Variants in BCLAF3 observed in about 807,000 individuals in gnomAD.
The protein encoded by BCLAF3 is transient octamer binding factor 1.
A neutral mutation model predicts 51.2 loss-of-function variants in BCLAF3; 24 were observed. The ratio of observed to expected loss-of-function variants is 0.47; its 90% CI spans 0.34 to 0.66. The LOEUF is 0.66. Ranked by LOEUF, BCLAF3 falls within the 30% of genes least tolerant of loss-of-function variation. The pLI, the probability that BCLAF3 is intolerant of heterozygous loss-of-function variation, is 0.01. For synonymous variants in BCLAF3, 152 were observed against 176.6 expected, an observed-to-expected ratio of 0.86 and a Z score of 1.10; for missense variants, 465 against 525.1, an observed-to-expected ratio of 0.89 and a Z score of 1.12.
In BCLAF3 at chrX:19,950,847, G is replaced by T. The variant is rs376493437; in HGVS notation, c.1651C>A (p.Pro551Thr). ...SEQTLIKIID[P>T]NDLRHDIERR... is the part of the protein sequence containing the mutation. ...TCAATGTCATGTCGTAGGTCATTTG[G>T]ATCTATTATTTTGATCAGAGTCTGA... Residue 551 changes from proline to threonine, a missense_variant, in exon 8 of 12, where the codon CCA becomes ACA. Pro to Thr is a conservative substitution (Grantham distance 38, BLOSUM62 -1). Coordinates refer to ENST00000379682, the MANE Select transcript of BCLAF3 (RefSeq NM_001367774.2). The T allele has an allele frequency of 1.7e-6, 2 of 1,205,808 alleles. No individual in the cohort carries two copies. Among genetic ancestry groups the T allele is most frequent in the Non-Finnish European group, 2.2e-6 (2 of 890,806 alleles).
intron 7 of BCLAF3, among the ~76,000 whole-genome samples, chrX:19,951,978 T>G (rs2071499010): frequency 9.0e-6 from 1 of 111,517 alleles, no homozygotes; most frequent in Non-Finnish European, 1.9e-5. Context: ...AATTCAGAGA[T>G]TTTACATAAA....
At position 19,966,634 on chromosome X, in the gene BCLAF3, T is replaced by C; in HGVS notation, c.57A>G (p.Val19=). The stretch of plus-strand genomic sequence containing the variant: ...GCTTGTAGTGTTCAGCATTTCTAGG[T>C]ACTGGTGATAAAGACCTATGTAAAC... ...PRWKHRSLSP[V]PRNAEHYKQR... is the part of the protein sequence containing the mutation. Residue 19 remains valine, a synonymous_variant, in exon 3 of 12, where the codon GTA becomes GTG. Coordinates refer to ENST00000379682, the MANE Select transcript of BCLAF3 (RefSeq NM_001367774.2). The C allele has an allele frequency of 8.3e-7, 1 of 1,207,724 alleles. No homozygotes were observed. Among genetic ancestry groups the C allele is most frequent in the Middle Eastern group, 2.3e-4 (1 of 4,316 alleles).
chrX:19,944,894 C>T (rs1319029552), intron 8 of BCLAF3, among the ~76,000 whole-genome samples: 1 of 96,323 alleles, frequency 1.0e-5, no homozygotes, highest in Non-Finnish European at 2.0e-5. Flanking sequence ...CCATTCTCCG[C>T]ATCACTTTCA....
intron 11 of BCLAF3, among the ~76,000 whole-genome samples, chrX:19,927,245 T>G (rs2070389325): frequency 9.0e-6 from 1 of 110,557 alleles, no homozygotes; most frequent in Admixed American, 9.7e-5. Flanking sequence ...AATAAATAAA[T>G]AAAGAGATGG....
At chrX:19,964,201 A>C (rs778566198) in intron 4 of BCLAF3, among the ~76,000 whole-genome samples, 12 of 110,956 alleles carry the variant, frequency 1.1e-4, no homozygotes, top group African/African-American at 1.6e-4. Flanking sequence ...TTTTTCATTC[A>C]CATACTGGTA....
chrX:19,983,163 G>C (rs2072676584), intron 1 of BCLAF3, among the ~76,000 whole-genome samples: 1 of 103,713 alleles, frequency 9.6e-6, no homozygotes, highest in Non-Finnish European at 2.0e-5. Context: ...TCGCCATGTT[G>C]GCCAAGCTGG....
chrX:19,914,635 T>C lies in BCLAF3; in HGVS notation c.*2670A>G, dbSNP rs1167186194. On this transcript the variant is annotated 3_prime_UTR_variant, in exon 12 of 12. Transcript: ENST00000379682. ...AATAGAAAAAAATGAAAATGTATCA[T>C]CTAAAATATTTATAATAGTGTTCTC... is the stretch of plus-strand genomic sequence containing the variant. 9.0e-6 allele frequency: 1 copy of C among 111,607 alleles called. No individual in the cohort carries two copies. The highest frequency in any genetic ancestry group is 3.3e-5 in the African/African-American group (1 of 30,733). The allele number at this position is 111,607 out of a possible 1,213,427, so 9.2% of individuals were successfully genotyped here. A position where few individuals can be genotyped will look rare whatever the true frequency, so the allele number is the denominator to read the frequency against.
chrX:19,969,391 C>T (rs1459290895), intron 2 of BCLAF3, among the ~76,000 whole-genome samples: 1 of 112,083 alleles, frequency 8.9e-6, no homozygotes, highest in African/African-American at 3.2e-5. Context: ...AAATACTAGT[C>T]ACATTTACAG....
At position 19,965,129 on chromosome X, in the gene BCLAF3, G is replaced by C; in HGVS notation, c.1189C>G (p.Pro397Ala). Residue 397 changes from proline (P) to alanine (A), a missense_variant, in exon 4 of 12, where the codon CCT (proline) becomes GCT (alanine). Coordinates refer to ENST00000379682, the MANE Select transcript of BCLAF3 (RefSeq NM_001367774.2). ...TTGATAGGCGAGGGTTTCACATCAG[G>C]AAGTTTTTGACTTTTATCAAGTTGG... ...SNQLDKSQKL[P>A]DVKPSPINLR... 2 of 1,202,795 alleles carry C rather than the reference G, an allele frequency of 1.7e-6. No homozygotes were observed. Among genetic ancestry groups the C allele is most frequent in the East Asian group, 5.9e-5 (2 of 33,694 alleles).
At chrX:19,919,909 A>C (rs375169256) in intron 11 of BCLAF3, among the ~76,000 whole-genome samples, 1 of 110,197 alleles carries the variant, frequency 9.1e-6, no homozygotes, top group African/African-American at 3.3e-5. Flanking sequence ...AACACAGCAG[A>C]TCTGACTGCT....
chrX:19,958,452 G>A (rs2147921978), intron 4 of BCLAF3, among the ~76,000 whole-genome samples: 1 of 112,119 alleles, frequency 8.9e-6, no homozygotes, highest in Non-Finnish European at 1.9e-5. Flanking sequence ...ATTTCATACA[G>A]CATCCTACAG....
intron 11 of BCLAF3, among the ~76,000 whole-genome samples, chrX:19,926,755 T>C (rs2070370853): frequency 9.0e-6 from 1 of 111,104 alleles, no homozygotes; most frequent in Non-Finnish European, 1.9e-5. Flanking sequence ...AATGACTAGC[T>C]TCCCTGAAAA....
intron 2 of BCLAF3, 151 bp downstream of exon 2, chrX:19,970,073 G>A: frequency 2.0e-6 from 1 of 494,599 alleles, no homozygotes; most frequent in Non-Finnish European, 3.6e-6. Flanking sequence ...AAAGCTGTCA[G>A]CTACTAGAAT....
At chrX:19,983,144 G>T (rs1389740562) in intron 1 of BCLAF3, among the ~76,000 whole-genome samples, 43 of 104,862 alleles carry the variant, frequency 4.1e-4, no homozygotes, top group African/African-American at 1.3e-3. Flanking sequence ...TTTTAGTGGA[G>T]ATGGGGTTTC....
intron 11 of BCLAF3, chrX:19,918,238 T>C (rs998774390): frequency 1.5e-4 from 17 of 111,636 alleles, no homozygotes; most frequent in African/African-American, 5.5e-4. Flanking sequence ...TACATGCACG[T>C]ATATATTTGT....
intron 1 of BCLAF3, among the ~76,000 whole-genome samples, chrX:19,978,826 T>C (rs2072518399): frequency 9.1e-6 from 1 of 110,046 alleles, no homozygotes; most frequent in African/African-American, 3.3e-5. Flanking sequence ...GGTCTTGATC[T>C]CCTATCCTCA....
rs766159591 is a variant in BCLAF3 at position 19,966,547 on chromosome X, C to T, written c.144G>A (p.Ala48=). 3.6e-4 allele frequency: 432 copies of T among 1,209,259 alleles called. 1 individual carries two copies. In the South Asian group the frequency reaches 4.5e-3, roughly 12 times the overall value. The change falls in exon 3 of 12, where the codon GCG becomes GCA. Residue 48 remains alanine (A), a synonymous_variant. Transcript: ENST00000379682. ...EYRKDPKRPV[A]WRMDSEKHGQ... is the part of the protein sequence containing the mutation. ...CATGTTTCTCACTGTCCATTCTCCA[C>T]GCGACGGGTCTTTTTGGATCCTTCC...
intron 8 of BCLAF3, among the ~76,000 whole-genome samples, chrX:19,947,501 T>C (rs189647569): frequency 1.8e-5 from 2 of 110,992 alleles, no homozygotes; most frequent in East Asian, 2.8e-4. Flanking sequence ...CAACTTACAA[T>C]GGTTTAACTT....
chrX:19,940,520 G>GTT (rs1462028206), intron 8 of BCLAF3, among the ~76,000 whole-genome samples: 1 of 110,451 alleles, frequency 9.1e-6, no homozygotes, highest in African/African-American at 3.3e-5. Flanking sequence ...AATATGCGGT[G>GTT]TTTGGTTTTT....
Sources: allele counts gnomAD v4.1 joint callset (sites outside exome capture counted in the v4.1 genomes callset), GRCh38; gene constraint gnomAD v4.1.1; transcripts MANE v1.5; gene names NCBI Gene and HGNC (gene_info 2026-07-23, HGNC 2026-07-21).